Variants in LCORL observed in about 807,000 individuals in gnomAD.
LCORL encodes ligand dependent nuclear receptor corepressor like, also known as ligand-dependent nuclear receptor corepressor-like protein.
Under a neutral mutation model 141.8 loss-of-function variants are expected in LCORL, and 41 were observed. The observed-to-expected ratio is 0.29, with a 90% confidence interval of 0.23 to 0.38. LCORL has a LOEUF of 0.38. Among genes scored for constraint, LCORL ranks in the 10% least tolerant of loss-of-function variants. The probability of loss-of-function intolerance (pLI) is 1.00; values close to 1 mark genes in which losing one functional copy is unlikely to be tolerated. For missense variants in LCORL, 1,759 were observed against 2,035.0 expected (o/e 0.86, Z 2.61); for synonymous variants, 618 against 694.1 (o/e 0.89, Z 1.72).
At chr4:17,878,725 A>C (rs2109192885) in intron 6 of LCORL, among the ~76,000 whole-genome samples, 1 of 151,456 alleles carries the variant, frequency 6.6e-6, no homozygotes, top group Admixed American at 6.6e-5. Context: ...ATTTTATGTA[A>C]ATAAGAGAAT....
At chr4:17,897,802 C>T (rs1227329778) in intron 5 of LCORL, among the ~76,000 whole-genome samples, 2 of 152,170 alleles carry the variant, frequency 1.3e-5, no homozygotes, top group Non-Finnish European at 2.9e-5. Flanking sequence ...CCTGCTAGCA[C>T]AAGATGTTCC....
chr4:17,863,682 A>G (rs187798363), intron 7 of LCORL, among the ~76,000 whole-genome samples: 69 of 152,374 alleles, frequency 4.5e-4, no homozygotes, highest in Non-Finnish European at 7.9e-4. Flanking sequence ...CTACCAGAAA[A>G]GACACATGCA....
exon 8 of LCORL, chr4:17,843,132 C>A (rs1722582812): frequency 4.9e-6 from 3 of 606,528 alleles, no homozygotes; most frequent in Non-Finnish European, 8.3e-6. Context: ...GCTAGATAGC[C>A]AAGTCAGTGT....
chr4:18,003,840 A>G (rs987668952), intron 1 of LCORL, among the ~76,000 whole-genome samples: 3 of 152,240 alleles, frequency 2.0e-5, no homozygotes, highest in African/African-American at 7.2e-5. Context: ...ATTATTCAAC[A>G]TATCACATAA....
chr4:17,869,935 T>C, intron 7 of LCORL, among the ~76,000 whole-genome samples: 1 of 152,136 alleles, frequency 6.6e-6, no homozygotes, highest in South Asian at 2.1e-4. Flanking sequence ...AGACATTGAT[T>C]TTACTTTATA....
At chr4:17,961,435 A>G (rs1329107837) in intron 4 of LCORL, among the ~76,000 whole-genome samples, 1 of 152,126 alleles carries the variant, frequency 6.6e-6, no homozygotes, top group Admixed American at 6.6e-5. Flanking sequence ...TAAGCAAATT[A>G]AAGTTACCAA....
chr4:17,889,962 C>T (rs970972492), intron 5 of LCORL, among the ~76,000 whole-genome samples: 1 of 151,978 alleles, frequency 6.6e-6, no homozygotes, highest in Non-Finnish European at 1.5e-5. Context: ...AAGCGCCCAG[C>T]ATGCTATTAC....
At chr4:17,858,069 G>A (rs902114382) in intron 7 of LCORL, among the ~76,000 whole-genome samples, 2 of 152,112 alleles carry the variant, frequency 1.3e-5, no homozygotes, top group African/African-American at 4.8e-5. Context: ...TTGTGAAATT[G>A]GTACATGAGG....
chr4:17,877,387 T>C (rs2052479745), exon 7 of LCORL: 1 of 1,230,588 alleles, frequency 8.1e-7, no homozygotes, highest in Non-Finnish European at 1.0e-6. Context: ...TTTTCATTAA[T>C]GCGATCCATT....
intron 4 of LCORL, among the ~76,000 whole-genome samples, chr4:17,954,178 AAAAC>A (rs1233303767): frequency 6.6e-6 from 1 of 152,118 alleles, no homozygotes; most frequent in Non-Finnish European, 1.5e-5. Context: ...CAAACAAACA[AAAAC>A]AAACAAATAA....
intron 7 of LCORL, among the ~76,000 whole-genome samples, chr4:17,870,765 T>C (rs1339415536): frequency 6.6e-6 from 1 of 152,186 alleles, no homozygotes; most frequent in East Asian, 1.9e-4. Context: ...TAAGAGCATA[T>C]TGTAGACATT....
intron 7 of LCORL, among the ~76,000 whole-genome samples, chr4:17,864,701 C>T (rs1392804408): frequency 6.6e-6 from 1 of 152,128 alleles, no homozygotes; most frequent in Non-Finnish European, 1.5e-5. Flanking sequence ...CAGAGATTGT[C>T]GCACTGGATA....
intron 7 of LCORL, among the ~76,000 whole-genome samples, chr4:17,868,446 C>T (rs1725939826): frequency 6.6e-6 from 1 of 151,920 alleles, no homozygotes; most frequent in African/African-American, 2.4e-5. Context: ...TTATTTGATT[C>T]TTAAAAGTTT....
intron 4 of LCORL, chr4:17,913,114 A>G (rs1246624433): frequency 2.6e-5 from 5 of 189,904 alleles, no homozygotes; most frequent in Non-Finnish European, 2.1e-5. Flanking sequence ...ATCCGCATCA[A>G]TTTGTGAGGA....
chr4:17,892,524 A>C (rs1291135576), intron 5 of LCORL, among the ~76,000 whole-genome samples: 2 of 152,096 alleles, frequency 1.3e-5, no homozygotes, highest in East Asian at 3.9e-4. Flanking sequence ...ATAGTTTTTT[A>C]ACTGGAAGGT....
At chr4:17,874,957 C>A in exon 7 of LCORL, 2 of 1,233,776 alleles carry the variant, frequency 1.6e-6, no homozygotes, top group Non-Finnish European at 2.0e-6. Flanking sequence ...CTAGAAGATG[C>A]TAATGAATGT....
intron 4 of LCORL, among the ~76,000 whole-genome samples, chr4:17,935,632 T>C (rs972365285): frequency 2.0e-5 from 3 of 152,146 alleles, no homozygotes; most frequent in African/African-American, 7.2e-5. Flanking sequence ...TCTCTCACCA[T>C]GTGATACACT....
At chr4:17,922,079 A>C (rs559479190) in intron 4 of LCORL, among the ~76,000 whole-genome samples, 1 of 152,282 alleles carries the variant, frequency 6.6e-6, no homozygotes, top group East Asian at 1.9e-4. Flanking sequence ...GCTTGCAGAC[A>C]GCCTATTGTG....
At chr4:17,896,949 C>T (rs558939571) in intron 5 of LCORL, among the ~76,000 whole-genome samples, 5 of 152,096 alleles carry the variant, frequency 3.3e-5, no homozygotes, top group African/African-American at 1.2e-4. Flanking sequence ...TTTTAGCTCC[C>T]ACAAGTAGGT....
Sources: gnomAD v4.1 joint callset for allele counts (sites outside exome capture counted in the v4.1 genomes callset) on GRCh38, gnomAD v4.1.1 for gene constraint, MANE v1.5 for transcripts, NCBI Gene and HGNC (gene_info 2026-07-23, HGNC 2026-07-21) for gene names.